The following SLC27A2 variants were observed in gnomAD, a reference collection of about 807,000 sequenced individuals.
The protein encoded by SLC27A2 is solute carrier family 27 member 2.
SLC27A2 carries 54 observed loss-of-function variants against 60.0 expected under a neutral mutation model. The observed-to-expected ratio is 0.90, with a 90% CI of 0.72 to 1.13. The LOEUF (loss-of-function observed/expected upper bound fraction) is 1.13, where lower values mean the gene tolerates loss of function less well. Ranked by LOEUF, SLC27A2 falls within the 50% of genes most tolerant of loss-of-function variation. SLC27A2 has a pLI of 0.00. For synonymous variants in SLC27A2, 297 were observed against 297.6 expected, an observed-to-expected ratio of 1.00 and a Z score of 0.02; for missense variants, 739 against 777.6, an observed-to-expected ratio of 0.95 and a Z score of 0.59.
At chr15:50,185,468 A>C (rs1019194301) in intron 1 of SLC27A2, among the ~76,000 whole-genome samples, 1 of 152,104 alleles carries the variant, frequency 6.6e-6, no homozygotes, top group African/African-American at 2.4e-5. Flanking sequence ...AAATATGTTG[A>C]ATGGACTGAT....
chr15:50,194,687 G>A (rs2045000136), intron 1 of SLC27A2, among the ~76,000 whole-genome samples: 1 of 152,142 alleles, frequency 6.6e-6, no homozygotes, highest in Non-Finnish European at 1.5e-5. Context: ...GAGGACATGA[G>A]CCAAGGCAGT....
Position 50,231,249 on chromosome 15 carries a change from G to A in SLC27A2, c.1555+2207G>A, listed in dbSNP as rs557861973. Among the ~76,000 whole-genome samples the A allele has an allele frequency of 1.6e-4, 24 of 151,420 alleles. 1 individual carries two copies. The highest frequency in any genetic ancestry group is 1.1e-3 in the Admixed American group (16 of 15,162). ...AACCTCTGCCTCCCATGTTCAAGCG[G>A]CAATTCTCCTGCCTCAGCCTCCTGA... On this transcript the variant is annotated intron_variant, in intron 8 of 9. Coordinates refer to ENST00000267842, the MANE Select transcript of SLC27A2 (RefSeq NM_003645.4).
intron 3 of SLC27A2, among the ~76,000 whole-genome samples, chr15:50,204,514 A>C (rs979457572): frequency 2.0e-5 from 3 of 152,006 alleles, no homozygotes; most frequent in Non-Finnish European, 2.9e-5. Flanking sequence ...GGTACAGATC[A>C]CGAGGTCAGG....
chr15:50,197,424 T>A (rs1164180534), intron 1 of SLC27A2, 76 bp from the exon 2 acceptor site: 1 of 1,109,224 alleles, frequency 9.0e-7, no homozygotes, highest in Non-Finnish European at 1.3e-6. Flanking sequence ...AATAAAATTA[T>A]GATGCTTGTT....
Position 50,202,731 on chromosome 15 carries a change from C to T in SLC27A2, c.847+86C>T, listed in dbSNP as rs562033719. The T allele has an allele frequency of 2.0e-5, 28 of 1,401,136 alleles. No homozygotes were observed. The African/African-American group carries it at 2.5e-4, about 13-fold the overall frequency. The allele number at this position is 1,401,136 out of a possible 1,614,324, so 86.8% of individuals were successfully genotyped here. A position where few individuals can be genotyped will look rare whatever the true frequency, so the allele number is the denominator to read the frequency against. On this transcript the variant is annotated intron_variant, in intron 3 of 9. Coordinates refer to ENST00000267842, the MANE Select transcript of SLC27A2 (RefSeq NM_003645.4). ...AGTAATACAAAATTTGGCTACGTTG[C>T]TGTCTGCTAGGAACAGTTTTCAATT...
At chr15:50,190,119 T>G (rs751888464) in intron 1 of SLC27A2, among the ~76,000 whole-genome samples, 19 of 152,232 alleles carry the variant, frequency 1.2e-4, no homozygotes, top group Non-Finnish European at 2.2e-4. Context: ...ATATATAGTA[T>G]TATAATGTGC....
intron 4 of SLC27A2, among the ~76,000 whole-genome samples, chr15:50,206,579 CAT>C (rs929445799): frequency 7.9e-6 from 1 of 127,322 alleles, no homozygotes; most frequent in African/African-American, 2.5e-5. Context: ...AATAATCAAA[CAT>C]ATCATCTGCC....
intron 1 of SLC27A2, among the ~76,000 whole-genome samples, chr15:50,189,594 C>T (rs2044957039): frequency 1.3e-5 from 2 of 152,206 alleles, no homozygotes; most frequent in Non-Finnish European, 2.9e-5. Context: ...ACAAAACTAG[C>T]ACTTTGCTGG....
At position 50,182,619 on chromosome 15, in the gene SLC27A2, C is replaced by T. The variant is rs1205450310; in HGVS notation, c.192C>T (p.Arg64=). 1.2e-6 allele frequency: 2 copies of T among 1,613,760 alleles called. No individual in the cohort carries two copies. The highest frequency in any genetic ancestry group is 1.7e-6 in the Non-Finnish European group (2 of 1,179,850). ...TGCGGGCGTTCCTGGAGAAAGCGCG[C>T]CAGACGCCACACAAGCCTTTTCTGC... The part of the protein sequence containing the change: ...TILRAFLEKA[R]QTPHKPFLLF... The change falls in exon 1 of 10, where the codon CGC becomes CGT. Residue 64 remains arginine (R), a synonymous_variant. Coordinates refer to ENST00000267842, the MANE Select transcript of SLC27A2 (RefSeq NM_003645.4).
chr15:50,201,649 A>G (rs781460352), intron 2 of SLC27A2, among the ~76,000 whole-genome samples: 5 of 151,580 alleles, frequency 3.3e-5, no homozygotes, highest in South Asian at 2.1e-4. Flanking sequence ...TTTGCCTCCC[A>G]GGTTCATGCC....
At position 50,182,655 on chromosome 15, in the gene SLC27A2, C is replaced by T. The variant is rs748533115; in HGVS notation, c.228C>T (p.Asp76=). 21 of 1,613,896 alleles carry T rather than the reference C, an allele frequency of 1.3e-5. No homozygotes were observed. Among genetic ancestry groups the T allele is most frequent in the East Asian group, 4.5e-5 (2 of 44,882 alleles). Residue 76 remains aspartate, a synonymous_variant, in exon 1 of 10, where the codon GAC becomes GAT. Transcript: ENST00000267842. ...ACAAGCCTTTTCTGCTCTTCCGCGA[C>T]GAGACTCTCACCTACGCGCAGGTGG... ...TPHKPFLLFR[D]ETLTYAQVDR...
At chr15:50,193,391 TA>T (rs760519346) in intron 1 of SLC27A2, among the ~76,000 whole-genome samples, 3 of 152,196 alleles carry the variant, frequency 2.0e-5, no homozygotes, top group Non-Finnish European at 4.4e-5. Context: ...ATCCAGCATG[TA>T]GAGACCTGCC....
At position 50,233,927 on chromosome 15, in the gene SLC27A2, GGAAA is replaced by G; in HGVS notation, c.1620_1623del (p.Lys540AsnfsTer19). On this transcript the variant is annotated frameshift_variant, in exon 9 of 10. Transcript: ENST00000267842. LOFTEE classifies it high-confidence loss of function. ...AATGAAAGAAAACCATGAATTTGAT[GGAAA>G]GAAACTCTTTCAGCACATTGCTGAT... The G allele has an allele frequency of 6.2e-7, 1 of 1,613,566 alleles. No homozygotes were observed. The highest frequency in any genetic ancestry group is 8.5e-7 in the Non-Finnish European group (1 of 1,179,754).
intron 1 of SLC27A2, among the ~76,000 whole-genome samples, chr15:50,196,063 A>AAAAATAAAAAAAAAAAAAAAAT (rs1344790169): frequency 5.1e-5 from 1 of 19,738 alleles, no homozygotes; most frequent in Non-Finnish European, 1.1e-4. Flanking sequence ...CAAAAAAAAA[A>AAAAATAAAAAAAAAAAAAAAAT]AAAAAAAAAA....
At chr15:50,231,940 G>T (rs1316244180) in intron 8 of SLC27A2, among the ~76,000 whole-genome samples, 2 of 152,300 alleles carry the variant, frequency 1.3e-5, no homozygotes, top group East Asian at 3.9e-4. Context: ...ACCAACTAGG[G>T]CATGTAAAGA....
At chr15:50,200,033 T>C (rs1415785265) in intron 2 of SLC27A2, among the ~76,000 whole-genome samples, 2 of 152,250 alleles carry the variant, frequency 1.3e-5, no homozygotes, top group African/African-American at 2.4e-5. Flanking sequence ...CACAAAATTA[T>C]ATAATAGTTA....
At chr15:50,234,623 G>T (rs1795668173) in intron 9 of SLC27A2, among the ~76,000 whole-genome samples, 1 of 151,636 alleles carries the variant, frequency 6.6e-6, no homozygotes, top group African/African-American at 2.4e-5. Context: ...GCCAGGCATG[G>T]TGATGTGCAC....
chr15:50,214,995 C>G (rs1231584030), intron 4 of SLC27A2, among the ~76,000 whole-genome samples: 1 of 152,044 alleles, frequency 6.6e-6, no homozygotes, highest in Non-Finnish European at 1.5e-5. Flanking sequence ...AAATACAGGG[C>G]ATCCAAATCA....
rs536175961 is a variant in SLC27A2, at chr15:50,210,024, G to A, written c.972+4661G>A. Among the ~76,000 whole-genome samples the A allele has an allele frequency of 2.6e-5, 4 of 152,320 alleles. No homozygotes were observed. The East Asian group carries it at 7.7e-4, about 29-fold the overall frequency. ...AAGGAAGCCAGTTGCCTTCCTGAAG[G>A]CTGAGAAATTGCAGGCTTTGAATAC... On this transcript the variant is annotated intron_variant, in intron 4 of 9. Transcript: ENST00000267842.
Sources: gnomAD v4.1 joint callset for allele counts (sites outside exome capture counted in the v4.1 genomes callset) on GRCh38, gnomAD v4.1.1 for gene constraint, MANE v1.5 for transcripts, NCBI Gene and HGNC (gene_info 2026-07-23, HGNC 2026-07-21) for gene names.